Variants in NAV3 observed in about 807,000 individuals in gnomAD.
The protein encoded by NAV3 is pore membrane and/or filament interacting like protein 1.
In NAV3, 87 loss-of-function variants were observed where a neutral mutation model predicts 244.7. The ratio of observed to expected loss-of-function variants is 0.36; its 90% CI spans 0.30 to 0.42. NAV3 has a LOEUF of 0.42. NAV3 is among the 20% of genes least tolerant of loss of function. The probability of loss-of-function intolerance (pLI) is 1.00; values close to 1 mark genes in which losing one functional copy is unlikely to be tolerated. For synonymous variants in NAV3, 1,126 were observed against 1,042.2 expected (o/e 1.08, Z -1.55); for missense variants, 2,663 against 2,893.3 (o/e 0.92, Z 1.83).
intron 1 of NAV3, among the ~76,000 whole-genome samples, chr12:77,857,639 T>A (rs1472585209): frequency 6.6e-6 from 1 of 151,866 alleles, no homozygotes; most frequent in African/African-American, 2.4e-5. Flanking sequence ...TATATGACAT[T>A]ACTTTAGTGT....
In NAV3 at chr12:78,050,787, G is replaced by A. The variant is rs549952465; in HGVS notation, c.2156G>A (p.Ser719Asn). 1 of 1,604,228 alleles carries A rather than the reference G, an allele frequency of 6.2e-7. No individual in the cohort carries two copies. The highest frequency in any genetic ancestry group is 8.5e-7 in the Non-Finnish European group (1 of 1,172,712). Residue 719 changes from serine to asparagine, a missense_variant, in exon 11 of 40, where the codon AGC (serine) becomes AAC (asparagine). Physicochemically the swap from Ser to Asn is conservative, Grantham distance 46. Around this residue, in one of 6 missense-constraint regions of NAV3, gnomAD observed 1,521 missense variants for 1,497.0 expected, o/e 1.02. Transcript: ENST00000397909. Reference sequence around the variant, plus strand: ...AGCACCCTGGAGACAACATTTGACAGCACTGTGACAACAGAAGTTAATGGA... The same window carrying A: ...AGCACCCTGGAGACAACATTTGACAACACTGTGACAACAGAAGTTAATGGA... Reference protein sequence around the residue: ...SHSTLETTFDSTVTTEVNGRT... With the variant: ...SHSTLETTFDNTVTTEVNGRT...
At chr12:77,622,285 G>A (rs577974671) in intron 2 of NAV3, among the ~76,000 whole-genome samples, 33 of 151,894 alleles carry the variant, frequency 2.2e-4, no homozygotes, top group African/African-American at 5.1e-4. Flanking sequence ...TCAGCCTCCC[G>A]AGTAGCTGGG....
chr12:77,902,223 G>C (rs1478657032), intron 1 of NAV3, among the ~76,000 whole-genome samples: 1 of 152,162 alleles, frequency 6.6e-6, no homozygotes, highest in African/African-American at 2.4e-5. Flanking sequence ...CCGGAAATTG[G>C]TTTCTAGACT....
At chr12:77,926,415 A>G (rs1165273988) in intron 1 of NAV3, among the ~76,000 whole-genome samples, 1 of 152,152 alleles carries the variant, frequency 6.6e-6, no homozygotes, top group Non-Finnish European at 1.5e-5. Context: ...TTTACAAAGC[A>G]TTTCTTCCTA....
chr12:77,734,404 C>G (rs1877252451), intron 2 of NAV3, among the ~76,000 whole-genome samples: 1 of 151,942 alleles, frequency 6.6e-6, no homozygotes, highest in Non-Finnish European at 1.5e-5. Flanking sequence ...TGTATGTTAG[C>G]CACATGAAAA....
At chr12:77,850,000 G>C (rs536974507) in intron 1 of NAV3, among the ~76,000 whole-genome samples, 2 of 152,124 alleles carry the variant, frequency 1.3e-5, no homozygotes, top group Non-Finnish European at 2.9e-5. Flanking sequence ...TTAAAAAGTG[G>C]CTATAAAATT....
chr12:77,798,066 G>A (rs919424485), intron 2 of NAV3, among the ~76,000 whole-genome samples: 6 of 151,618 alleles, frequency 4.0e-5, no homozygotes, highest in Non-Finnish European at 7.4e-5. Flanking sequence ...GGAAGCTGAG[G>A]CAGGAGAATT....
chr12:77,656,953 A>G (rs1321243914), intron 2 of NAV3, among the ~76,000 whole-genome samples: 2 of 152,202 alleles, frequency 1.3e-5, no homozygotes, highest in Non-Finnish European at 2.9e-5. Context: ...GGACACATTC[A>G]AAGCAGTGTG....
At chr12:77,602,054 T>G (rs1342819848) in intron 2 of NAV3, among the ~76,000 whole-genome samples, 1 of 152,020 alleles carries the variant, frequency 6.6e-6, no homozygotes, top group African/African-American at 2.4e-5. Context: ...ACACTGCAGG[T>G]TTAGCAAACT....
At chr12:78,032,786 T>C (rs2136976056) in intron 9 of NAV3, among the ~76,000 whole-genome samples, 1 of 152,302 alleles carries the variant, frequency 6.6e-6, no homozygotes, top group Admixed American at 6.5e-5. Flanking sequence ...AAAGAATTTG[T>C]CCTCAGAGGC....
chr12:77,736,187 T>G (rs1340070674), intron 2 of NAV3, among the ~76,000 whole-genome samples: 1 of 152,232 alleles, frequency 6.6e-6, no homozygotes, highest in Admixed American at 6.5e-5. Context: ...TTGTTCTGTC[T>G]TATCAAATAC....
chr12:77,601,572 T>C (rs908293908), intron 2 of NAV3, among the ~76,000 whole-genome samples: 2 of 151,912 alleles, frequency 1.3e-5, no homozygotes, highest in Non-Finnish European at 2.9e-5. Context: ...AGTAGGAGCA[T>C]GTGGTGCATA....
rs114202635 is a variant in NAV3, at chr12:78,075,196, T to C, written c.2636+16081T>C. On this transcript the variant is annotated intron_variant, in intron 12 of 39. Coordinates refer to ENST00000397909, the MANE Select transcript of NAV3 (RefSeq NM_001024383.2). Reference sequence around the variant, plus strand: ...AAGCAGTACAGATATGAAGAAAACATAGTGTTGTGAGAAATAATTTAACAT... The same window carrying C: ...AAGCAGTACAGATATGAAGAAAACACAGTGTTGTGAGAAATAATTTAACAT... 7.9e-3 allele frequency among the ~76,000 whole-genome samples: 1,204 copies of C among 152,172 alleles called. 10 individuals carry two copies. The highest frequency in any genetic ancestry group is 0.027 in the African/African-American group (1,139 of 41,508).
chr12:77,602,433 C>T (rs1156624931), intron 2 of NAV3, among the ~76,000 whole-genome samples: 1 of 151,870 alleles, frequency 6.6e-6, no homozygotes, highest in African/African-American at 2.4e-5. Context: ...CACTTGATAG[C>T]TATGTCCAAT....
rs533380392 is a variant in NAV3 at position 77,717,497 on chromosome 12, C to T, written c.72+145231C>T. Among the ~76,000 whole-genome samples, 5 of 152,130 alleles carry T rather than the reference C, an allele frequency of 3.3e-5. No homozygotes were observed. In the South Asian group the frequency reaches 1.0e-3, roughly 32 times the overall value. Reference sequence around the variant, plus strand: ...AGTAATATTCCATTGTGTGCATATACTACATTTTCTTTATCCACTCATTCA... The same window carrying T: ...AGTAATATTCCATTGTGTGCATATATTACATTTTCTTTATCCACTCATTCA... On this transcript the variant is annotated intron_variant, in intron 2 of 8. Transcript: ENST00000550042.
chr12:77,802,889 G>A (rs147813792), intron 2 of NAV3, among the ~76,000 whole-genome samples: 3 of 151,984 alleles, frequency 2.0e-5, no homozygotes, highest in South Asian at 2.1e-4. Flanking sequence ...GGATGGTCTC[G>A]ATCTCCTGAC....
intron 5 of NAV3, among the ~76,000 whole-genome samples, chr12:77,975,306 C>A (rs1350030292): frequency 6.6e-6 from 1 of 152,110 alleles, no homozygotes; most frequent in African/African-American, 2.4e-5. Flanking sequence ...ATGTTCTAGA[C>A]AATCTTCTAG....
chr12:78,161,442 T>C (rs1195803216), intron 23 of NAV3, among the ~76,000 whole-genome samples: 2 of 152,134 alleles, frequency 1.3e-5, no homozygotes, highest in Non-Finnish European at 2.9e-5. Flanking sequence ...CTCCACCCAA[T>C]ATTTTCTTGA....
chr12:77,872,206 C>A lies in NAV3; in HGVS notation c.243+40502C>A, dbSNP rs142389239. ...ACTTGAAATTTTCTTAAATTAAGAA[C>A]CACACACATGGTATTCTTGTATACT... On this transcript the variant is annotated intron_variant, in intron 1 of 39. Coordinates refer to ENST00000397909, the MANE Select transcript of NAV3 (RefSeq NM_001024383.2). Among the ~76,000 whole-genome samples, 52 of 152,070 alleles carry A rather than the reference C, an allele frequency of 3.4e-4. No homozygotes were observed. The East Asian group carries it at 8.7e-3, about 25-fold the overall frequency.
Sources: gnomAD v4.1 joint callset for allele counts (sites outside exome capture counted in the v4.1 genomes callset) on GRCh38, gnomAD v4.1.1 for gene constraint, gnomAD v4.1.1 regional missense constraint, MANE v1.5 for transcripts, NCBI Gene and HGNC (gene_info 2026-07-23, HGNC 2026-07-21) for gene names.